Variants in EPB41L4A observed in about 807,000 individuals in gnomAD.
EPB41L4A encodes the protein erythrocyte membrane protein band 4.1 like 4A.
In EPB41L4A, 100 loss-of-function variants were observed where a neutral mutation model predicts 108.6. That is an observed-to-expected ratio of 0.92 (90% CI 0.78 to 1.09). EPB41L4A has a LOEUF of 1.09. EPB41L4A is among the 50% of genes least tolerant of loss of function. The pLI is 0.00. For missense variants in EPB41L4A, 1,030 were observed against 842.7 expected (o/e 1.22, Z -2.75); for synonymous variants, 319 against 289.0 (o/e 1.10, Z -1.05).
At chr5:112,203,780 A>C (rs1400218362) in intron 15 of EPB41L4A, among the ~76,000 whole-genome samples, 1 of 152,032 alleles carries the variant, frequency 6.6e-6, no homozygotes, top group Non-Finnish European at 1.5e-5. Flanking sequence ...AGTGGCTTAC[A>C]CCTGTAATCC....
intron 2 of EPB41L4A, among the ~76,000 whole-genome samples, chr5:112,293,756 C>T (rs937259668): frequency 6.6e-6 from 1 of 152,170 alleles, no homozygotes; most frequent in South Asian, 2.1e-4. Context: ...GGAGGCTCCC[C>T]TCTCAGCACT....
intron 2 of EPB41L4A, among the ~76,000 whole-genome samples, chr5:112,300,549 ACCTAAT>A: frequency 2.6e-5 from 4 of 152,184 alleles, no homozygotes; most frequent in Non-Finnish European, 5.9e-5. Flanking sequence ...TTTATAGATT[ACCTAAT>A]GCTTTTGCCT....
chr5:112,309,076 T>A (rs982492710), intron 1 of EPB41L4A, among the ~76,000 whole-genome samples: 1 of 152,212 alleles, frequency 6.6e-6, no homozygotes, highest in Middle Eastern at 3.2e-3. Context: ...ATTTTACTTA[T>A]ACTTAGCTCT....
At chr5:112,178,683 CA>C (rs770734928) in intron 18 of EPB41L4A, among the ~76,000 whole-genome samples, 1 of 150,664 alleles carries the variant, frequency 6.6e-6, no homozygotes, top group Non-Finnish European at 1.5e-5. Context: ...ATGCCAGCAT[CA>C]AAAAAAGACA....
At chr5:112,154,223 T>C (rs558624548) in intron 12 of EPB41L4A, among the ~76,000 whole-genome samples, 1 of 152,326 alleles carries the variant, frequency 6.6e-6, no homozygotes, top group South Asian at 2.1e-4. Context: ...TTCACAACAC[T>C]ATCCTCCAGT....
intron 4 of EPB41L4A, among the ~76,000 whole-genome samples, chr5:112,274,139 G>A (rs1000026637): frequency 6.6e-6 from 1 of 151,976 alleles, no homozygotes; most frequent in Admixed American, 6.6e-5. Flanking sequence ...TATTAGCTAG[G>A]TGTAGTGGCA....
At chr5:112,264,203 T>C (rs998411021) in intron 6 of EPB41L4A, 1 of 152,140 alleles carries the variant, frequency 6.6e-6, no homozygotes, top group African/African-American at 2.4e-5. Context: ...TGTTAACCGG[T>C]GTAAAGAATT....
intron 1 of EPB41L4A, among the ~76,000 whole-genome samples, chr5:112,329,113 G>C (rs1756382572): frequency 6.6e-6 from 1 of 152,130 alleles, no homozygotes; most frequent in Non-Finnish European, 1.5e-5. Flanking sequence ...AATGCAGCTG[G>C]TCCAAATTGA....
At chr5:112,306,550 G>C (rs1482066675) in intron 2 of EPB41L4A, among the ~76,000 whole-genome samples, 1 of 152,128 alleles carries the variant, frequency 6.6e-6, no homozygotes, top group African/African-American at 2.4e-5. Flanking sequence ...GAGGATGGGA[G>C]AACAAATGAA....
intron 3 of EPB41L4A, among the ~76,000 whole-genome samples, chr5:112,279,210 CAAT>C (rs1561535542): frequency 6.6e-6 from 1 of 151,776 alleles, no homozygotes; most frequent in Non-Finnish European, 1.5e-5. Context: ...TGAGAAACAA[CAAT>C]GATGCTGACA....
chr5:112,310,618 G>C (rs940470), intron 1 of EPB41L4A, among the ~76,000 whole-genome samples: 80,364 of 152,004 alleles, frequency 0.53, 22,765 homozygotes, highest in African/African-American at 0.74. Context: ...GTTTTATCAA[G>C]TTCTTTTTGG....
Position 112,314,505 on chromosome 5 carries a change from TAAAAAAAAAAA to T in EPB41L4A, c.100-7026_100-7016del, listed in dbSNP as rs552428109. Among the ~76,000 whole-genome samples the T allele has an allele frequency of 1.4e-4, 8 of 55,184 alleles. No homozygotes were observed. The East Asian group carries it at 3.3e-3, about 23-fold the overall frequency. 36.2% of individuals were successfully genotyped at this position (55,184 alleles called of 152,430 possible). A position where few individuals can be genotyped will look rare whatever the true frequency, so the allele number is the denominator to read the frequency against. On this transcript the variant is annotated intron_variant, in intron 1 of 22. Coordinates refer to ENST00000261486, the MANE Select transcript of EPB41L4A (RefSeq NM_022140.5). ...CAACAATGTGAAACCCCATCGCTACTAAAAAAAAAAAAAAAAAAAAAAAAAAAAAAAAAGAA... is the reference window on the plus strand; with the variant it reads ...CAACAATGTGAAACCCCATCGCTACTAAAAAAAAAAAAAAAAAAAAAAGAA...
chr5:112,331,093 T>G (rs534299242), intron 1 of EPB41L4A, among the ~76,000 whole-genome samples: 1 of 152,336 alleles, frequency 6.6e-6, no homozygotes, highest in Non-Finnish European at 1.5e-5. Flanking sequence ...CAAGCAAGCC[T>G]GAGTTCCAAT....
intron 1 of EPB41L4A, among the ~76,000 whole-genome samples, chr5:112,406,520 C>A (rs990541991): frequency 6.6e-6 from 1 of 152,004 alleles, no homozygotes; most frequent in Non-Finnish European, 1.5e-5. Flanking sequence ...AAGCTTCCCT[C>A]GAGCAGAAGA....
At chr5:112,245,423 C>T (rs1158020260) in intron 9 of EPB41L4A, among the ~76,000 whole-genome samples, 2 of 152,084 alleles carry the variant, frequency 1.3e-5, no homozygotes, top group Non-Finnish European at 2.9e-5. Flanking sequence ...AAATTTCTCC[C>T]AAGTCCAACT....
chr5:112,262,941 G>A (rs1232888008), intron 6 of EPB41L4A, among the ~76,000 whole-genome samples: 3 of 152,148 alleles, frequency 2.0e-5, no homozygotes. Context: ...CTGTGCACCA[G>A]CAGCTCTCCA....
rs1753644612 is a variant in EPB41L4A at position 112,291,551 on chromosome 5, C to A, written c.205-11228G>T. Among the ~76,000 whole-genome samples, 5 of 152,308 alleles carry A rather than the reference C, an allele frequency of 3.3e-5. No homozygotes were observed. The South Asian group carries it at 1.0e-3, about 32-fold the overall frequency. ...CTCTCTCCTGCCCTCCTTTCACCTG[C>A]CCCTAGCAGGACTCTAATCTTCTCC... On this transcript the variant is annotated intron_variant, in intron 2 of 22. Coordinates refer to ENST00000261486, the MANE Select transcript of EPB41L4A (RefSeq NM_022140.5).
Position 112,266,313 on chromosome 5 carries a change from T to G in EPB41L4A, c.353A>C (p.Gln118Pro). ...GCCCTGAAGGACATCTTGCTTCACCTGCAAGAAAAACTGATATCTAAAAGA... is the reference window on the plus strand; with the variant it reads ...GCCCTGAAGGACATCTTGCTTCACCGGCAAGAAAAACTGATATCTAAAAGA... ...EEITRYQFFL[Q>P]VKQDVLQGRL... The change falls in exon 5 of 23, where the codon CAG (glutamine) becomes CCG (proline). Residue 118 changes from glutamine to proline, a missense_variant. Gln to Pro is a moderately conservative substitution (Grantham distance 76). Coordinates refer to ENST00000261486, the MANE Select transcript of EPB41L4A (RefSeq NM_022140.5). 1 of 1,602,712 alleles carries G rather than the reference T, an allele frequency of 6.2e-7. No individual in the cohort carries two copies. The highest frequency in any genetic ancestry group is 1.7e-4 in the Middle Eastern group (1 of 5,970).
At chr5:112,297,720 A>G (rs1754090575) in intron 2 of EPB41L4A, among the ~76,000 whole-genome samples, 1 of 152,124 alleles carries the variant, frequency 6.6e-6, no homozygotes, top group African/African-American at 2.4e-5. Context: ...GCCAATGTCT[A>G]GAAGGGTTTT....
Sources: gnomAD v4.1 joint callset for allele counts (sites outside exome capture counted in the v4.1 genomes callset) on GRCh38, gnomAD v4.1.1 for gene constraint, MANE v1.5 for transcripts, NCBI Gene and HGNC (gene_info 2026-07-23, HGNC 2026-07-21) for gene names.